Variants in CADM2 observed in about 807,000 individuals in gnomAD.
The protein encoded by CADM2 is cell adhesion molecule 2.
In CADM2, 12 loss-of-function variants were observed where a neutral mutation model predicts 49.8. That is an observed-to-expected ratio of 0.24 (90% confidence interval 0.15 to 0.39). The LOEUF is 0.39. CADM2 is among the 10% of genes least tolerant of loss of function. The pLI is 1.00. For missense variants in CADM2, 378 were observed against 492.3 expected (o/e 0.77, Z 2.20); for synonymous variants, 214 against 175.4 (o/e 1.22, Z -1.74).
At chr3:85,616,811 A>G (rs1465104132) in intron 1 of CADM2, among the ~76,000 whole-genome samples, 1 of 152,170 alleles carries the variant, frequency 6.6e-6, no homozygotes, top group African/African-American at 2.4e-5. Flanking sequence ...TGACTATGCC[A>G]TTGGATACGA....
chr3:85,358,439 A>G (rs2032055958), intron 1 of CADM2, among the ~76,000 whole-genome samples: 1 of 152,162 alleles, frequency 6.6e-6, no homozygotes, highest in East Asian at 1.9e-4. Context: ...TTTTACAAGT[A>G]GCCTGTGGCT....
intron 1 of CADM2, among the ~76,000 whole-genome samples, chr3:85,133,865 C>G (rs938426147): frequency 3.9e-5 from 6 of 152,250 alleles, no homozygotes; most frequent in Non-Finnish European, 4.4e-5. Context: ...CGCCCGCGCT[C>G]CTCAGCCCTT....
rs1724831728 is a variant in CADM2, at chr3:85,961,646, T to C, written c.969T>C (p.His323=). The change falls in exon 8 of 10, where the codon CAT becomes CAC. Residue 323 remains histidine, a splice_region_variant and synonymous_variant. Transcript: ENST00000383699. ...QSSAEYVLIV[H]DPNALAGQNG... is the part of the protein sequence containing the mutation. ...GTGCGGAATATGTTCTCATTGTGCA[T>C]GGTGAGTAAATTTTGGAAAACATTA... 2 of 1,530,454 alleles carry C rather than the reference T, an allele frequency of 1.3e-6. No homozygotes were observed. The highest frequency in any genetic ancestry group is 1.4e-5 in the African/African-American group (1 of 73,508). 94.8% of individuals were successfully genotyped at this position (1,530,454 alleles called of 1,614,324 possible).
chr3:85,433,664 G>T (rs955505714), intron 1 of CADM2, among the ~76,000 whole-genome samples: 1 of 152,064 alleles, frequency 6.6e-6, no homozygotes, highest in Non-Finnish European at 1.5e-5. Flanking sequence ...ATATTGCCCC[G>T]TAGACCCTGA....
At chr3:85,733,763 CATT>C (rs1224872559) in intron 2 of CADM2, among the ~76,000 whole-genome samples, 5 of 152,066 alleles carry the variant, frequency 3.3e-5, no homozygotes, top group African/African-American at 1.2e-4. Context: ...ATAAATAAAT[CATT>C]ATAATACTTT....
chr3:85,854,447 C>CCATA (rs1204780918), intron 3 of CADM2, among the ~76,000 whole-genome samples: 4 of 152,026 alleles, frequency 2.6e-5, no homozygotes, highest in African/African-American at 7.2e-5. Flanking sequence ...TACTATGCAG[C>CCATA]CATAAAAAAG....
intron 1 of CADM2, among the ~76,000 whole-genome samples, chr3:85,714,981 CATT>C (rs1276244098): frequency 6.6e-6 from 1 of 152,104 alleles, no homozygotes; most frequent in Non-Finnish European, 1.5e-5. Flanking sequence ...AGAGTCCAAT[CATT>C]ATCGTTCCTG....
intron 1 of CADM2, among the ~76,000 whole-genome samples, chr3:85,454,102 C>T: frequency 6.6e-6 from 1 of 152,054 alleles, no homozygotes; most frequent in East Asian, 1.9e-4. Flanking sequence ...CGCCCGTAAT[C>T]CAAGCATTTT....
chr3:85,028,438 T>C (rs2034830860), intron 1 of CADM2, among the ~76,000 whole-genome samples: 2 of 152,144 alleles, frequency 1.3e-5, no homozygotes, highest in South Asian at 4.1e-4. Flanking sequence ...ACCATGCTAT[T>C]TAGAAATTTG....
chr3:85,951,504 A>G (rs1279497690), intron 7 of CADM2, among the ~76,000 whole-genome samples: 2 of 151,198 alleles, frequency 1.3e-5, no homozygotes, highest in East Asian at 3.9e-4. Context: ...GAGGGTACTA[A>G]CTATATTAAG....
At chr3:86,029,602 G>T (rs1159860513) in intron 8 of CADM2, among the ~76,000 whole-genome samples, 1 of 151,830 alleles carries the variant, frequency 6.6e-6, no homozygotes, top group Admixed American at 6.6e-5. Context: ...ATCAAGGAAA[G>T]ATCATTGTCT....
At chr3:85,027,749 T>G (rs2034799939) in intron 1 of CADM2, among the ~76,000 whole-genome samples, 1 of 152,126 alleles carries the variant, frequency 6.6e-6, no homozygotes, top group Admixed American at 6.5e-5. Flanking sequence ...AATCTTCTAG[T>G]GGAACATTTG....
intron 3 of CADM2, among the ~76,000 whole-genome samples, chr3:85,879,483 C>A (rs1712411424): frequency 6.6e-6 from 1 of 151,810 alleles, no homozygotes; most frequent in Non-Finnish European, 1.5e-5. Context: ...TAGAATTTTC[C>A]CAAAGGCTAT....
intron 1 of CADM2, among the ~76,000 whole-genome samples, chr3:85,226,472 C>T (rs973094099): frequency 1.1e-4 from 17 of 152,044 alleles, no homozygotes; most frequent in African/African-American, 3.6e-4. Context: ...GGTGATATCA[C>T]CTTTATCATT....
At chr3:85,347,278 T>C (rs998098605) in intron 1 of CADM2, among the ~76,000 whole-genome samples, 1 of 125,220 alleles carries the variant, frequency 8.0e-6, no homozygotes, top group African/African-American at 3.0e-5. Context: ...TTATACTTAA[T>C]AGCAATGATC....
chr3:85,118,005 T>C (rs1302441250), intron 1 of CADM2, among the ~76,000 whole-genome samples: 1 of 152,156 alleles, frequency 6.6e-6, no homozygotes, highest in Non-Finnish European at 1.5e-5. Context: ...TAAAAATCTT[T>C]GCTTCTCTAA....
chr3:85,588,545 A>T (rs1003486287), intron 1 of CADM2, among the ~76,000 whole-genome samples: 5 of 152,024 alleles, frequency 3.3e-5, no homozygotes, highest in African/African-American at 1.2e-4. Context: ...CTGATTTGAG[A>T]TGTGATTTGA....
intron 1 of CADM2, among the ~76,000 whole-genome samples, chr3:84,968,333 A>T (rs1447394074): frequency 2.0e-5 from 3 of 152,066 alleles, no homozygotes; most frequent in Admixed American, 6.6e-5. Context: ...TCCCCTAAGG[A>T]TTCATAATAC....
intron 1 of CADM2, among the ~76,000 whole-genome samples, chr3:85,069,469 T>C (rs2036644050): frequency 6.6e-6 from 1 of 152,156 alleles, no homozygotes; most frequent in African/African-American, 2.4e-5. Flanking sequence ...CAAATGTTTT[T>C]TGGTACAGGA....
Sources: gnomAD v4.1 joint callset for allele counts (sites outside exome capture counted in the v4.1 genomes callset) on GRCh38, gnomAD v4.1.1 for gene constraint, MANE v1.5 for transcripts, NCBI Gene and HGNC (gene_info 2026-07-23, HGNC 2026-07-21) for gene names.